The following VAV2 variants were observed in gnomAD, a reference collection of about 807,000 sequenced individuals.
VAV2 encodes the protein guanine nucleotide exchange factor VAV2.
A neutral mutation model predicts 132.5 loss-of-function variants in VAV2; 67 were observed. The observed-to-expected ratio is 0.51, with a 90% CI of 0.42 to 0.62. The LOEUF is 0.62. Among genes scored for constraint, VAV2 ranks in the 20% least tolerant of loss-of-function variants. The pLI is 0.00. For synonymous variants in VAV2, 492 were observed against 443.5 expected (o/e 1.11, Z -1.37); for missense variants, 938 against 1,153.6 (o/e 0.81, Z 2.71).
At position 133,967,135 on chromosome 9, in the gene VAV2, A is replaced by G. The variant is rs901628120; in HGVS notation, c.204+24940T>C. On this transcript the variant is annotated intron_variant, in intron 1 of 29. Transcript: ENST00000371850. Reference sequence around the variant, plus strand: ...TAAGACATTTCTCAAAAGACATACAAATGGCCAACGGGCATGTGAAAAAAT... The same window carrying G: ...TAAGACATTTCTCAAAAGACATACAGATGGCCAACGGGCATGTGAAAAAAT... Among the ~76,000 whole-genome samples, 6 of 152,312 alleles carry G rather than the reference A, an allele frequency of 3.9e-5. No individual in the cohort carries two copies. In the South Asian group the frequency reaches 6.2e-4, roughly 16 times the overall value.
rs192757301 is a variant in VAV2, at chr9:133,978,239, C to T, written c.204+13836G>A. Among the ~76,000 whole-genome samples the T allele has an allele frequency of 1.1e-3, 163 of 152,344 alleles. No individual in the cohort carries two copies. The Middle Eastern group carries it at 0.014, about 13-fold the overall frequency. On this transcript the variant is annotated intron_variant, in intron 1 of 29. Coordinates refer to ENST00000371850, the MANE Select transcript of VAV2 (RefSeq NM_001134398.2). ...TAGGAGGATCTCACTGCCACCTCCT[C>T]CATTGCAGGCTGGGGGACCCTCTCC...
At chr9:133,862,875 A>C (rs1837652175) in intron 2 of VAV2, among the ~76,000 whole-genome samples, 1 of 152,250 alleles carries the variant, frequency 6.6e-6, no homozygotes, top group African/African-American at 2.4e-5. Flanking sequence ...GGAAGAGGAA[A>C]GAAAATGAAC....
chr9:133,807,193 A>G, intron 8 of VAV2, 65 bp downstream of exon 8: 1 of 1,546,418 alleles, frequency 6.5e-7, no homozygotes, highest in Non-Finnish European at 8.8e-7. Flanking sequence ...ACAGCAGGAC[A>G]TGTGTGGCCA....
intron 1 of VAV2, among the ~76,000 whole-genome samples, chr9:133,970,716 A>C (rs1257992412): frequency 2.0e-5 from 3 of 152,208 alleles, no homozygotes; most frequent in African/African-American, 7.2e-5. Context: ...GGCAGGCAGC[A>C]GAAAGCCTCG....
intron 1 of VAV2, among the ~76,000 whole-genome samples, chr9:133,968,067 G>A (rs1842206498): frequency 1.3e-5 from 2 of 152,112 alleles, no homozygotes; most frequent in South Asian, 4.1e-4. Context: ...CGACAGGAAA[G>A]TGAAGAGAGA....
chr9:133,951,557 A>T (rs183819518), intron 1 of VAV2, among the ~76,000 whole-genome samples: 1 of 152,154 alleles, frequency 6.6e-6, no homozygotes, highest in East Asian at 1.9e-4. Context: ...CATATGTGGG[A>T]GCTGGGAGCG....
At chr9:133,943,996 C>A (rs2519111) in intron 1 of VAV2, among the ~76,000 whole-genome samples, 1 of 151,712 alleles carries the variant, frequency 6.6e-6, no homozygotes, top group African/African-American at 2.4e-5. Context: ...GGAGAGGCGG[C>A]GCAGGGCCGG....
chr9:133,868,150 C>T (rs987791074), intron 2 of VAV2, among the ~76,000 whole-genome samples: 1 of 152,242 alleles, frequency 6.6e-6, no homozygotes, highest in Non-Finnish European at 1.5e-5. Context: ...CAGGAATCCT[C>T]GCTGCCCTCC....
chr9:133,783,528 C>T lies in VAV2; in HGVS notation c.1698G>A (p.Leu566=). The change falls in exon 19 of 30, where the codon CTG becomes CTA. Residue 566 remains leucine, a synonymous_variant. Coordinates refer to ENST00000371850, the MANE Select transcript of VAV2 (RefSeq NM_001134398.2). The part of the protein sequence containing the change: ...KCGVGAHKEC[L]EVIPPCKFTS... ...TGAACTTGCAGGGAGGTATCACTTC[C>T]AGGCACTCCTTGTGTGCCCCGACGC... The T allele has an allele frequency of 1.2e-6, 2 of 1,613,934 alleles. No individual in the cohort carries two copies. The highest frequency in any genetic ancestry group is 1.7e-6 in the Non-Finnish European group (2 of 1,179,972).
intron 3 of VAV2, among the ~76,000 whole-genome samples, chr9:133,849,955 G>T (rs1008795402): frequency 5.3e-5 from 8 of 152,312 alleles, no homozygotes; most frequent in African/African-American, 1.9e-4. Context: ...AGTTCGGAGG[G>T]ATACAGCTTT....
intron 1 of VAV2, among the ~76,000 whole-genome samples, chr9:133,959,741 C>T (rs1042307252): frequency 3.9e-5 from 6 of 152,178 alleles, no homozygotes; most frequent in Non-Finnish European, 7.3e-5. Flanking sequence ...AATCCAATGA[C>T]CAGCATCCTC....
chr9:133,856,234 TACTAA>T (rs2131852899), intron 3 of VAV2, among the ~76,000 whole-genome samples: 1 of 152,376 alleles, frequency 6.6e-6, no homozygotes, highest in South Asian at 2.1e-4. Context: ...ATGGTGAAAG[TACTAA>T]ATGCCACTGA....
chr9:133,991,505 G>A lies in VAV2; in HGVS notation c.204+570C>T. 6.6e-6 allele frequency among the ~76,000 whole-genome samples: 1 copy of A among 152,094 alleles called. No individual in the cohort carries two copies. The highest frequency in any genetic ancestry group is 1.9e-4 in the East Asian group (1 of 5,164). Reference sequence around the variant, plus strand: ...CGGGAGCCAGGACTGGCGCCAAGTGGCCCGGGTCCGGGTCCGGGAAGAGGC... The same window carrying A: ...CGGGAGCCAGGACTGGCGCCAAGTGACCCGGGTCCGGGTCCGGGAAGAGGC... On this transcript the variant is annotated intron_variant, in intron 1 of 29. Coordinates refer to ENST00000371850, the MANE Select transcript of VAV2 (RefSeq NM_001134398.2). This position sits in a 1 kb window ranked among gnomAD's most constrained non-coding sequence, Gnocchi z 4.8.
rs78260350 is a variant in VAV2 at position 133,815,092 on chromosome 9, C to T, written c.450-2876G>A. Reference sequence around the variant, plus strand: ...TTAAGGAGGGAGAGAATAGGGAAGGCTGGGATGGTCAGAGTCTTCCTGAAC... The same window carrying T: ...TTAAGGAGGGAGAGAATAGGGAAGGTTGGGATGGTCAGAGTCTTCCTGAAC... On this transcript the variant is annotated intron_variant, in intron 4 of 29. Coordinates refer to ENST00000371850, the MANE Select transcript of VAV2 (RefSeq NM_001134398.2). 8.6e-3 allele frequency among the ~76,000 whole-genome samples: 1,315 copies of T among 152,200 alleles called. 17 individuals are homozygous for T. Among genetic ancestry groups the T allele is most frequent in the African/African-American group, 0.03 (1,233 of 41,536 alleles).
intron 3 of VAV2, among the ~76,000 whole-genome samples, chr9:133,835,425 G>GAGGAGAGGC (rs527305022): frequency 1.3e-5 from 2 of 151,574 alleles, no homozygotes; most frequent in Non-Finnish European, 2.9e-5. Context: ...GGTGGGGAGG[G>GAGGAGAGGC]AGGAGAGGCA....
chr9:133,938,550 C>T (rs1317342103), intron 2 of VAV2, among the ~76,000 whole-genome samples: 2 of 152,116 alleles, frequency 1.3e-5, no homozygotes, highest in South Asian at 2.1e-4. Flanking sequence ...CCTGAGAACA[C>T]AGAGACACTT....
At chr9:133,782,623 A>G (rs1199165117) in intron 19 of VAV2, among the ~76,000 whole-genome samples, 5 of 152,226 alleles carry the variant, frequency 3.3e-5, no homozygotes, top group Non-Finnish European at 2.9e-5. Context: ...TCTCTGGGTG[A>G]CAAGCTGGCC....
chr9:133,946,377 C>T (rs1482747880), intron 1 of VAV2, among the ~76,000 whole-genome samples: 1 of 152,234 alleles, frequency 6.6e-6, no homozygotes, highest in Non-Finnish European at 1.5e-5. Flanking sequence ...CTGGGCACCA[C>T]AGCCCTGAAA....
In VAV2 at chr9:133,788,749, C is replaced by A. The variant is rs915363393; in HGVS notation, c.1275-263G>T. On this transcript the variant is annotated intron_variant, in intron 14 of 29. Transcript: ENST00000371850. This position sits in a 1 kb window ranked among gnomAD's most constrained non-coding sequence, Gnocchi z 5.3. ...CCCTTCAAGGGGCTCCTGCATCCCC[C>A]ACGCTGGCCTCCCATGCAGCACTGA... Among the ~76,000 whole-genome samples the A allele has an allele frequency of 6.6e-6, 1 of 152,124 alleles. No homozygotes were observed. The highest frequency in any genetic ancestry group is 1.5e-5 in the Non-Finnish European group (1 of 68,022).
Sources: allele counts gnomAD v4.1 joint callset (sites outside exome capture counted in the v4.1 genomes callset), GRCh38; gene constraint gnomAD v4.1.1; non-coding constraint Gnocchi (gnomAD v3.1); transcripts MANE v1.5; gene names NCBI Gene and HGNC (gene_info 2026-07-23, HGNC 2026-07-21).